The following MGAM variants were observed in gnomAD, a reference collection of about 807,000 sequenced individuals.
MGAM encodes the protein maltase-glucoamylase.
MGAM carries 253 observed loss-of-function variants against 358.8 expected under a neutral mutation model. That is an observed-to-expected ratio of 0.71 (90% CI 0.64 to 0.78). The LOEUF is 0.78. Among genes scored for constraint, MGAM ranks in the 30% least tolerant of loss-of-function variants. MGAM has a pLI of 0.00. For synonymous variants in MGAM, 1,105 were observed against 1,227.1 expected (o/e 0.90, Z 2.08); for missense variants, 3,080 against 3,432.6 (o/e 0.90, Z 2.57).
At chr7:142,103,554 C>G (rs1385935523) in intron 70 of MGAM, 115 bp downstream of exon 70, 4 of 1,044,162 alleles carry the variant, frequency 3.8e-6, no homozygotes, top group Non-Finnish European at 5.2e-6. Context: ...TCCGGGAATC[C>G]CTGAGTTTTC....
intron 13 of MGAM, among the ~76,000 whole-genome samples, chr7:142,032,168 T>C (rs782344754): frequency 6.6e-6 from 1 of 151,884 alleles, no homozygotes; most frequent in Non-Finnish European, 1.5e-5. Context: ...GTTGAACAAA[T>C]TGATCAGAGC....
chr7:142,024,631 T>C (rs979916234), intron 7 of MGAM, among the ~76,000 whole-genome samples: 1 of 152,036 alleles, frequency 6.6e-6, no homozygotes, highest in African/African-American at 2.4e-5. Context: ...GAACTCCTGT[T>C]CTGGAGTCTC....
At chr7:142,007,435 T>C (rs1010395872) in intron 2 of MGAM, among the ~76,000 whole-genome samples, 1 of 152,084 alleles carries the variant, frequency 6.6e-6, no homozygotes, top group Non-Finnish European at 1.5e-5. Flanking sequence ...CTGCCCCTCC[T>C]ACCCCATCCC....
Position 142,082,146 on chromosome 7 carries a change from C to G in MGAM, c.6107C>G (p.Thr2036Arg), listed in dbSNP as rs146424332. The stretch of plus-strand genomic sequence containing the variant: ...TATGGCTTTGGGGAGACTGAGCACA[C>G]GTCCTACAGGAGAGACTTGGAGTGG... ...YLYGFGETEH[T>R]SYRRDLEWHT... is the part of the protein sequence containing the mutation. Residue 2036 changes from threonine to arginine, a missense_variant, in exon 51 of 71, where the codon ACG (threonine) becomes AGG (arginine). Physicochemically the swap from Thr to Arg is moderately conservative, Grantham distance 71. Coordinates refer to ENST00000475668, the MANE Select transcript of MGAM (RefSeq NM_001365693.1). 3 of 1,555,624 alleles carry G rather than the reference C, an allele frequency of 1.9e-6. 1 individual carries two copies. Among genetic ancestry groups the G allele is most frequent in the Admixed American group, 1.7e-5 (1 of 58,414 alleles).
In MGAM at chr7:142,039,219, C is replaced by A. The variant is rs527631607; in HGVS notation, c.2316+604C>A. Reference sequence around the variant, plus strand: ...CTCCTGGGTTCACATGATTCTCCTGCCTCAGCCTCCTGAGTAGCTGGGGTT... The same window carrying A: ...CTCCTGGGTTCACATGATTCTCCTGACTCAGCCTCCTGAGTAGCTGGGGTT... On this transcript the variant is annotated intron_variant, in intron 19 of 70. Coordinates refer to ENST00000475668, the MANE Select transcript of MGAM (RefSeq NM_001365693.1). 2.6e-5 allele frequency among the ~76,000 whole-genome samples: 4 copies of A among 151,456 alleles called. No individual in the cohort carries two copies. The South Asian group carries it at 8.4e-4, about 32-fold the overall frequency.
rs568844863 is a variant in MGAM, at chr7:142,059,946, G to A, written c.4039G>A (p.Gly1347Arg). ...CGTCTTCATCAAATACCCAAATGATGGAGACATTGTCTGGGGAAAGGTATA... is the reference window on the plus strand; with the variant it reads ...CGTCTTCATCAAATACCCAAATGATAGAGACATTGTCTGGGGAAAGGTATA... ...DDVFIKYPND[G>R]DIVWGKVWPD... Residue 1347 changes from glycine (G) to arginine (R), a missense_variant, in exon 33 of 71, where the codon GGA becomes AGA. Physicochemically the swap from Gly to Arg is moderately radical, Grantham distance 125. This residue lies in a region of MGAM where 1,816 missense variants were observed against 1,840.5 expected (regional missense o/e 0.99). Coordinates refer to ENST00000475668, the MANE Select transcript of MGAM (RefSeq NM_001365693.1). The A allele has an allele frequency of 1.2e-6, 2 of 1,606,932 alleles. No individual in the cohort carries two copies. Among genetic ancestry groups the A allele is most frequent in the African/African-American group, 2.7e-5 (2 of 74,816 alleles).
intron 64 of MGAM, chr7:142,096,053 G>A (rs1227837789): frequency 3.4e-6 from 2 of 595,776 alleles, no homozygotes; most frequent in Admixed American, 5.9e-5. Context: ...TGAGGGAAAA[G>A]GGCCATCCTT....
chr7:142,052,252 C>G, intron 24 of MGAM, 42 bp from the exon 25 acceptor site: 1 of 1,525,652 alleles, frequency 6.6e-7, no homozygotes. Flanking sequence ...CAAAGCCTGT[C>G]TCCTAAAGAT....
chr7:142,012,325 G>A (rs1425579385), intron 3 of MGAM, among the ~76,000 whole-genome samples: 1 of 152,130 alleles, frequency 6.6e-6, no homozygotes, highest in African/African-American at 2.4e-5. Flanking sequence ...ATCTTGTGAG[G>A]ACCTTCTTGC....
At chr7:142,034,888 A>T (rs782466589) in intron 16 of MGAM, 47 bp downstream of exon 16, 2 of 1,559,506 alleles carry the variant, frequency 1.3e-6, no homozygotes, top group African/African-American at 2.7e-5. Context: ...TTCCCAGGCA[A>T]CCTCATTCTA....
At chr7:141,986,897 T>C (rs1180434527) in intron 2 of MGAM, among the ~76,000 whole-genome samples, 1 of 152,040 alleles carries the variant, frequency 6.6e-6, no homozygotes, top group East Asian at 1.9e-4. Context: ...TGCCAAACAA[T>C]TGGGAGGGAC....
At position 142,022,387 on chromosome 7, in the gene MGAM, A is replaced by G; in HGVS notation, c.830A>G (p.Asp277Gly). ...CATGTGCACCAGCAGTATCGGCATG[A>G]TATGAATTGGAAGACCTGGCCCATA... ...GEHVHQQYRH[D>G]MNWKTWPIFN... The change falls in exon 7 of 71, where the codon GAT becomes GGT. Residue 277 changes from aspartate to glycine, a missense_variant. Around this residue, in one of 5 missense-constraint regions of MGAM, gnomAD observed 1,816 missense variants for 1,840.5 expected, o/e 0.99. Transcript: ENST00000475668. 4 of 1,613,752 alleles carry G rather than the reference A, an allele frequency of 2.5e-6. No individual in the cohort carries two copies. The highest frequency in any genetic ancestry group is 3.4e-6 in the Non-Finnish European group (4 of 1,179,744).
At position 142,041,939 on chromosome 7, in the gene MGAM, TATATATATACATATATATAA is replaced by T. The variant is rs1808693461; in HGVS notation, c.2498+1094_2498+1113del. 2.2e-4 allele frequency among the ~76,000 whole-genome samples: 4 copies of T among 17,982 alleles called. 1 individual carries two copies. The highest frequency in any genetic ancestry group is 3.9e-4 in the Non-Finnish European group (4 of 10,320). 11.8% of individuals were successfully genotyped at this position (17,982 alleles called of 152,430 possible). A position where few individuals can be genotyped will look rare whatever the true frequency, so the allele number is the denominator to read the frequency against. On this transcript the variant is annotated intron_variant, in intron 21 of 70. Coordinates refer to ENST00000475668, the MANE Select transcript of MGAM (RefSeq NM_001365693.1). ...TACGTATAATATATAATATATATAT[TATATATATACATATATATAA>T]TATATATATATTATATATATATAAT...
Position 142,040,099 on chromosome 7 carries a change from A to G in MGAM, c.2317-16A>G, listed in dbSNP as rs370491683. ...TTTTATTTCCCTCAGGGGACACTAC[A>G]TTTTTTTAATTTCAGGGTGCAGAGA... On this transcript the variant is annotated splice_polypyrimidine_tract_variant and intron_variant, in intron 19 of 70. Coordinates refer to ENST00000475668, the MANE Select transcript of MGAM (RefSeq NM_001365693.1). 5.6e-6 allele frequency: 9 copies of G among 1,599,846 alleles called. No individual in the cohort carries two copies. In the African/African-American group the frequency reaches 1.1e-4, roughly 19 times the overall value.
At chr7:142,003,476 A>G (rs1804898589) in intron 1 of MGAM, among the ~76,000 whole-genome samples, 1 of 152,104 alleles carries the variant, frequency 6.6e-6, no homozygotes, top group Non-Finnish European at 1.5e-5. Flanking sequence ...TCCCTATTCA[A>G]TAAATGGTAC....
chr7:141,999,422 A>G (rs368352047), intron 1 of MGAM, among the ~76,000 whole-genome samples: 1 of 152,224 alleles, frequency 6.6e-6, no homozygotes, highest in Non-Finnish European at 1.5e-5. Context: ...GTTAAAAGCC[A>G]TGGCTGTGGA....
intron 65 of MGAM, among the ~76,000 whole-genome samples, chr7:142,096,636 T>G (rs2129062393): frequency 6.6e-6 from 1 of 152,334 alleles, no homozygotes; most frequent in South Asian, 2.1e-4. Context: ...CATAGGATGA[T>G]CAAGAAGAAA....
At chr7:142,050,657 CAT>C in intron 23 of MGAM, 38 bp from the exon 24 acceptor site, 1 of 1,576,966 alleles carries the variant, frequency 6.3e-7, no homozygotes, top group Non-Finnish European at 8.7e-7. Flanking sequence ...TGTGTATACT[CAT>C]ATACCTTTAT....
upstream of MGAM, among the ~76,000 whole-genome samples, chr7:141,993,380 A>G (rs1289566966): frequency 1.3e-5 from 2 of 152,274 alleles, no homozygotes; most frequent in African/African-American, 4.8e-5. Flanking sequence ...AAAAAAGCAT[A>G]TACAGATACA....
Sources: gnomAD v4.1 joint callset for allele counts (sites outside exome capture counted in the v4.1 genomes callset) on GRCh38, gnomAD v4.1.1 for gene constraint, gnomAD v4.1.1 regional missense constraint, MANE v1.5 for transcripts, NCBI Gene and HGNC (gene_info 2026-07-23, HGNC 2026-07-21) for gene names.